Variants in VAV2 observed in about 807,000 individuals in gnomAD.
VAV2 encodes the protein guanine nucleotide exchange factor VAV2.
In VAV2, 67 loss-of-function variants were observed where a neutral mutation model predicts 132.5. The ratio of observed to expected loss-of-function variants is 0.51; its 90% CI spans 0.42 to 0.62. VAV2 has a LOEUF of 0.62. Ranked by LOEUF, VAV2 falls within the 20% of genes least tolerant of loss-of-function variation. The probability of loss-of-function intolerance (pLI) is 0.00; values close to 1 mark genes in which losing one functional copy is unlikely to be tolerated. For synonymous variants in VAV2, 492 were observed against 443.5 expected, an observed-to-expected ratio of 1.11 and a Z score of -1.37; for missense variants, 938 against 1,153.6, an observed-to-expected ratio of 0.81 and a Z score of 2.71.
chr9:133,992,195 G>A lies in VAV2; in HGVS notation c.84C>T (p.Ala28=). 1 of 1,597,940 alleles carries A rather than the reference G, an allele frequency of 6.3e-7. No individual in the cohort carries two copies. The highest frequency in any genetic ancestry group is 8.5e-7 in the Non-Finnish European group (1 of 1,172,522). ...GCGCCTGCGCCAGGTCGAAGACCACGGCCGAGGGCCACACCACCCGGTGGT... is the reference window on the plus strand; with the variant it reads ...GCGCCTGCGCCAGGTCGAAGACCACAGCCGAGGGCCACACCACCCGGTGGT... ...PPNHRVVWPS[A]VVFDLAQALR... is the part of the protein sequence containing the mutation. The change falls in exon 1 of 30, where the codon GCC becomes GCT. Residue 28 remains alanine, a synonymous_variant. Transcript: ENST00000371850. The surrounding 1 kb of genome is among the most constrained non-coding windows in gnomAD (Gnocchi z 5.5).
intron 4 of VAV2, among the ~76,000 whole-genome samples, chr9:133,830,308 A>G (rs535466298): frequency 6.6e-6 from 1 of 152,202 alleles, no homozygotes; most frequent in South Asian, 2.1e-4. Context: ...GCCTGGTGAT[A>G]TGGTCTGGCT....
At chr9:133,776,591 C>T (rs669443) in intron 23 of VAV2, among the ~76,000 whole-genome samples, 63,543 of 151,976 alleles carry the variant, frequency 0.42, 13,948 homozygotes, top group African/African-American at 0.48. Flanking sequence ...ACCCTATTCA[C>T]CATGCAGATG....
chr9:133,768,545 G>GC lies in VAV2; in HGVS notation c.2485dup (p.Ala829GlyfsTer13). ...CAGCGAAAGCTCCCTCATATCTCGG[G>GC]CGGCAAAGTTATACCTGGCCACAGC... On this transcript the variant is annotated frameshift_variant, in exon 29 of 30. Transcript: ENST00000371850. LOFTEE classifies it high-confidence loss of function. This position sits in a 1 kb window ranked among gnomAD's most constrained non-coding sequence, Gnocchi z 5.3. 6.2e-7 allele frequency: 1 copy of GC among 1,614,000 alleles called. No homozygotes were observed. The highest frequency in any genetic ancestry group is 8.5e-7 in the Non-Finnish European group (1 of 1,179,994).
intron 2 of VAV2, among the ~76,000 whole-genome samples, chr9:133,921,376 A>G (rs1190427981): frequency 6.6e-6 from 1 of 152,224 alleles, no homozygotes; most frequent in Non-Finnish European, 1.5e-5. Context: ...GGTGGCTCAC[A>G]TCTGTCATCT....
At chr9:133,821,598 C>A (rs1305306718) in intron 4 of VAV2, among the ~76,000 whole-genome samples, 1 of 152,184 alleles carries the variant, frequency 6.6e-6, no homozygotes, top group Admixed American at 6.5e-5. Context: ...CGGCATTTAG[C>A]ACAGGGGCCG....
chr9:133,890,362 G>A (rs1434676340), intron 2 of VAV2, among the ~76,000 whole-genome samples: 1 of 152,232 alleles, frequency 6.6e-6, no homozygotes, highest in Non-Finnish European at 1.5e-5. Flanking sequence ...AATCGTGGCT[G>A]TGAGTCCAGG....
chr9:133,937,451 G>C (rs1334950816), intron 2 of VAV2, among the ~76,000 whole-genome samples: 1 of 144,962 alleles, frequency 6.9e-6, no homozygotes, highest in Non-Finnish European at 1.6e-5. Context: ...TGAGCTGTGT[G>C]TGTCTGAGTG....
intron 2 of VAV2, among the ~76,000 whole-genome samples, chr9:133,865,807 G>T (rs972886832): frequency 6.6e-6 from 1 of 152,222 alleles, no homozygotes; most frequent in African/African-American, 2.4e-5. Flanking sequence ...GTTCTATGCT[G>T]TAAGTGCATC....
At chr9:133,830,489 C>T (rs1836221705) in intron 4 of VAV2, among the ~76,000 whole-genome samples, 1 of 152,194 alleles carries the variant, frequency 6.6e-6, no homozygotes, top group African/African-American at 2.4e-5. Flanking sequence ...TTATAAGGGG[C>T]TTTCCTCCTT....
chr9:133,824,886 C>A lies in VAV2; in HGVS notation c.449+9386G>T, dbSNP rs1206483226. Among the ~76,000 whole-genome samples, 1 of 152,206 alleles carries A rather than the reference C, an allele frequency of 6.6e-6. No homozygotes were observed. Among genetic ancestry groups the A allele is most frequent in the African/African-American group, 2.4e-5 (1 of 41,454 alleles). ...CTGTCCAGCGAGAGGGCTCAGGGCC[C>A]GGCCTGCAGCGCTCAGGGAGATGCA... On this transcript the variant is annotated intron_variant, in intron 4 of 29. Coordinates refer to ENST00000371850, the MANE Select transcript of VAV2 (RefSeq NM_001134398.2). The surrounding 1 kb of genome is among the most constrained non-coding windows in gnomAD (Gnocchi z 5.2).
intron 25 of VAV2, among the ~76,000 whole-genome samples, chr9:133,774,318 GCAGGC>G (rs1833735380): frequency 6.6e-6 from 1 of 152,200 alleles, no homozygotes; most frequent in Non-Finnish European, 1.5e-5. Flanking sequence ...TTAGCCTCCT[GCAGGC>G]CAGGCACACA....
intron 10 of VAV2, 93 bp from the exon 11 acceptor site, chr9:133,796,617 GC>G: frequency 8.5e-7 from 1 of 1,171,232 alleles, no homozygotes; most frequent in Non-Finnish European, 1.2e-6. Flanking sequence ...GGAGACCTAA[GC>G]CCAGAACTCA....
intron 9 of VAV2, among the ~76,000 whole-genome samples, chr9:133,805,637 A>C (rs542254937): frequency 2.0e-5 from 3 of 152,084 alleles, no homozygotes; most frequent in Admixed American, 1.3e-4. Flanking sequence ...GCGTCATCTA[A>C]GCCCCAGAAA....
intron 1 of VAV2, among the ~76,000 whole-genome samples, chr9:133,984,881 C>T (rs1197589994): frequency 6.7e-6 from 1 of 149,866 alleles, no homozygotes; most frequent in African/African-American, 2.4e-5. Context: ...GCATTCCAGC[C>T]TGAAGGACAG....
intron 2 of VAV2, among the ~76,000 whole-genome samples, chr9:133,910,370 T>G (rs1042254737): frequency 2.0e-5 from 3 of 152,132 alleles, no homozygotes; most frequent in Non-Finnish European, 2.9e-5. Context: ...TGGCGCAAGC[T>G]GCGAGTTCAG....
In VAV2 at chr9:133,775,014, G is replaced by C. The variant is rs1310178015; in HGVS notation, c.2056C>G (p.Leu686Val). The change falls in exon 25 of 30, where the codon CTG becomes GTG. Residue 686 changes from leucine to valine, a missense_variant. Transcript: ENST00000371850. ...GTCCCGCTGGCGTGGGACTTGAGCA[G>C]GTTGTCCGTCTGCTGCCTCTCCATG... Reference protein sequence around the residue: ...GNMERQQTDNLLKSHASGTYL... With the variant: ...GNMERQQTDNVLKSHASGTYL... 6.2e-7 allele frequency: 1 copy of C among 1,613,236 alleles called. No individual in the cohort carries two copies. The highest frequency in any genetic ancestry group is 8.5e-7 in the Non-Finnish European group (1 of 1,179,756).
chr9:133,838,673 G>T (rs1470481343), intron 3 of VAV2, among the ~76,000 whole-genome samples: 2 of 142,006 alleles, frequency 1.4e-5, no homozygotes, highest in South Asian at 5.0e-4. Context: ...ATGGAAGGAC[G>T]AATGGATGGC....
chr9:133,841,355 T>G (rs1588253776), intron 3 of VAV2, among the ~76,000 whole-genome samples: 1 of 151,914 alleles, frequency 6.6e-6, no homozygotes, highest in Non-Finnish European at 1.5e-5. Context: ...GGTGACCCCA[T>G]GTGGCAGCGA....
At chr9:133,968,806 C>G (rs1395666809) in intron 1 of VAV2, among the ~76,000 whole-genome samples, 1 of 152,234 alleles carries the variant, frequency 6.6e-6, no homozygotes, top group East Asian at 1.9e-4. Context: ...CAGCTCAGAT[C>G]TGGAGGGTGT....
Sources: gnomAD v4.1 joint callset for allele counts (sites outside exome capture counted in the v4.1 genomes callset) on GRCh38, gnomAD v4.1.1 for gene constraint, Gnocchi (gnomAD v3.1) non-coding constraint, MANE v1.5 for transcripts, NCBI Gene and HGNC (gene_info 2026-07-23, HGNC 2026-07-21) for gene names.